Variants in PRKCB observed in about 807,000 individuals in gnomAD.
The protein encoded by PRKCB is protein kinase C beta type.
In PRKCB, 13 loss-of-function variants were observed where a neutral mutation model predicts 81.5. That is an observed-to-expected ratio of 0.16 (90% CI 0.10 to 0.25). The LOEUF is 0.25. Ranked by LOEUF, PRKCB falls within the 10% of genes least tolerant of loss-of-function variation. PRKCB has a pLI of 1.00. For synonymous variants in PRKCB, 335 were observed against 321.4 expected, an observed-to-expected ratio of 1.04 and a Z score of -0.45; for missense variants, 509 against 875.7, an observed-to-expected ratio of 0.58 and a Z score of 5.29.
rs1968233980 is a variant in PRKCB at position 24,216,771 on chromosome 16, G to A, written c.*1955G>A. On this transcript the variant is annotated 3_prime_UTR_variant, in exon 17 of 17. Transcript: ENST00000643927. Reference sequence around the variant, plus strand: ...CAAGTTTAGGCAGTAAGAGAAGGAGGGAAATCGGAGCAAAGCTCCCTCACT... The same window carrying A: ...CAAGTTTAGGCAGTAAGAGAAGGAGAGAAATCGGAGCAAAGCTCCCTCACT... 2.0e-6 allele frequency: 2 copies of A among 985,472 alleles called. No individual in the cohort carries two copies. The highest frequency in any genetic ancestry group is 2.4e-6 in the Non-Finnish European group (2 of 829,950). The allele number at this position is 985,472 out of a possible 1,614,324, so 61.0% of individuals were successfully genotyped here. A position where few individuals can be genotyped will look rare whatever the true frequency, so the allele number is the denominator to read the frequency against.
chr16:24,194,795 T>A (rs1176968264), intron 16 of PRKCB, among the ~76,000 whole-genome samples: 1 of 152,230 alleles, frequency 6.6e-6, no homozygotes, highest in Non-Finnish European at 1.5e-5. Context: ...GGTTTAACAA[T>A]GACTTTCAAA....
intron 3 of PRKCB, among the ~76,000 whole-genome samples, chr16:24,005,887 G>A (rs1327081384): frequency 6.6e-6 from 1 of 152,174 alleles, no homozygotes; most frequent in East Asian, 1.9e-4. Flanking sequence ...CCCCAAGTGG[G>A]GACACCCACA....
intron 9 of PRKCB, among the ~76,000 whole-genome samples, chr16:24,125,530 C>G (rs1966841845): frequency 6.6e-6 from 1 of 152,196 alleles, no homozygotes; most frequent in Non-Finnish European, 1.5e-5. Flanking sequence ...AAAATCTTCC[C>G]CAACTACCCA....
chr16:24,047,746 G>T (rs930549532), intron 5 of PRKCB, among the ~76,000 whole-genome samples: 4 of 152,202 alleles, frequency 2.6e-5, no homozygotes, highest in African/African-American at 9.6e-5. Context: ...CTTCAGCACT[G>T]GTAGTTCTCA....
Position 24,216,754 on chromosome 16 carries a change from G to A in PRKCB, c.*1938G>A. ...CTTGAAGTTCTATCTGACAAGTTTAGGCAGTAAGAGAAGGAGGGAAATCGG... is the reference window on the plus strand; with the variant it reads ...CTTGAAGTTCTATCTGACAAGTTTAAGCAGTAAGAGAAGGAGGGAAATCGG... On this transcript the variant is annotated 3_prime_UTR_variant, in exon 17 of 17. Transcript: ENST00000643927. The A allele has an allele frequency of 7.1e-6, 7 of 985,478 alleles. No individual in the cohort carries two copies. Among genetic ancestry groups the A allele is most frequent in the Non-Finnish European group, 7.2e-6 (6 of 829,952 alleles). The allele number at this position is 985,478 out of a possible 1,614,324, so 61.0% of individuals were successfully genotyped here.
At position 23,967,802 on chromosome 16, in the gene PRKCB, G is replaced by A. The variant is rs143659916; in HGVS notation, c.206-20706G>A. ...CGAGTAGCTGGGACTACAGGCACCC[G>A]CCACCATGCCCAGCTAATTTTTGTA... On this transcript the variant is annotated intron_variant, in intron 2 of 16. Coordinates refer to ENST00000643927, the MANE Select transcript of PRKCB (RefSeq NM_002738.7). Among the ~76,000 whole-genome samples the A allele has an allele frequency of 6.6e-3, 1,010 of 152,176 alleles. 9 individuals are homozygous for A. The highest frequency in any genetic ancestry group is 0.023 in the African/African-American group (936 of 41,520).
rs529246202 is a variant in PRKCB at position 24,068,006 on chromosome 16, G to A, written c.530-24785G>A. 8.6e-5 allele frequency among the ~76,000 whole-genome samples: 13 copies of A among 152,030 alleles called. No individual in the cohort carries two copies. In the South Asian group the frequency reaches 2.3e-3, roughly 27 times the overall value. On this transcript the variant is annotated intron_variant, in intron 5 of 16. Coordinates refer to ENST00000643927, the MANE Select transcript of PRKCB (RefSeq NM_002738.7). The stretch of plus-strand genomic sequence containing the variant: ...AAGAGGTTATTTTCCATGCAGGTTG[G>A]GGTCACCCTTCTGGTGGTGATCGAG...
At chr16:24,006,834 C>CG (rs1965129062) in intron 3 of PRKCB, among the ~76,000 whole-genome samples, 1 of 117,552 alleles carries the variant, frequency 8.5e-6, no homozygotes, top group Non-Finnish European at 1.8e-5. Context: ...ATACGGGGAG[C>CG]AGGGGGTGGG....
chr16:23,879,464 GTT>G (rs1963070024), intron 2 of PRKCB, among the ~76,000 whole-genome samples: 1 of 141,472 alleles, frequency 7.1e-6, no homozygotes, highest in Non-Finnish European at 1.5e-5. Flanking sequence ...AACCTTTGTT[GTT>G]GGTCCTTTAG....
chr16:23,875,122 G>A (rs1251824078), intron 2 of PRKCB, among the ~76,000 whole-genome samples: 4 of 148,518 alleles, frequency 2.7e-5, no homozygotes, highest in South Asian at 2.1e-4. Flanking sequence ...ATGCAACCTC[G>A]ACTTCCTGGG....
In PRKCB at chr16:23,836,108, G is replaced by T. The variant is rs1222093031; in HGVS notation, c.-68G>T. On this transcript the variant is annotated 5_prime_UTR_variant, in exon 1 of 17. Transcript: ENST00000643927. ...CGGCCGCCGCCTCCCGCGCCTCCCC[G>T]GCCCGCAGCCCGCGGTCCCGCGGCC... 5.5e-6 allele frequency: 6 copies of T among 1,093,920 alleles called. No homozygotes were observed. Among genetic ancestry groups the T allele is most frequent in the Non-Finnish European group, 6.7e-6 (6 of 892,896 alleles). 67.8% of individuals were successfully genotyped at this position (1,093,920 alleles called of 1,614,324 possible).
rs187613250 is a variant in PRKCB at position 23,885,616 on chromosome 16, C to G, written c.205+48210C>G. Among the ~76,000 whole-genome samples, 4 of 152,270 alleles carry G rather than the reference C, an allele frequency of 2.6e-5. No individual in the cohort carries two copies. In the East Asian group the frequency reaches 7.7e-4, roughly 29 times the overall value. Reference sequence around the variant, plus strand: ...GCCACTGTGCCTGGCCTATCCACAGCTGGTTTCCCCTCTTTGCCCCCTTTT... The same window carrying G: ...GCCACTGTGCCTGGCCTATCCACAGGTGGTTTCCCCTCTTTGCCCCCTTTT... On this transcript the variant is annotated intron_variant, in intron 2 of 16. Coordinates refer to ENST00000643927, the MANE Select transcript of PRKCB (RefSeq NM_002738.7).
chr16:23,926,653 AATG>A (rs1328649813), intron 2 of PRKCB, among the ~76,000 whole-genome samples: 1 of 150,624 alleles, frequency 6.6e-6, no homozygotes, highest in African/African-American at 2.4e-5. Context: ...ATATACACAC[AATG>A]ATATGTATAT....
chr16:24,176,613 C>G (rs1206491972), intron 12 of PRKCB, among the ~76,000 whole-genome samples: 1 of 152,156 alleles, frequency 6.6e-6, no homozygotes, highest in Non-Finnish European at 1.5e-5. Flanking sequence ...GCACATGAGG[C>G]TGGGCGCAGT....
At chr16:23,962,772 G>T (rs866030645) in intron 2 of PRKCB, among the ~76,000 whole-genome samples, 3 of 151,154 alleles carry the variant, frequency 2.0e-5, no homozygotes, top group African/African-American at 7.3e-5. Flanking sequence ...TGATAGTTTT[G>T]GGGGAGCAAG....
At chr16:23,936,579 ATTTTTTTTT>A (rs57643578) in intron 2 of PRKCB, among the ~76,000 whole-genome samples, 55 of 96,036 alleles carry the variant, frequency 5.7e-4, no homozygotes, top group African/African-American at 2.1e-3. Flanking sequence ...CACCCAACTA[ATTTTTTTTT>A]TTTTTTTTTT....
intron 3 of PRKCB, among the ~76,000 whole-genome samples, chr16:24,031,792 T>C (rs747992670): frequency 6.6e-6 from 1 of 152,182 alleles, no homozygotes. Context: ...CCTGTTTAGA[T>C]GATGTGTCTG....
chr16:24,108,930 C>T (rs1365921323), intron 7 of PRKCB, among the ~76,000 whole-genome samples: 3 of 149,206 alleles, frequency 2.0e-5, no homozygotes, highest in South Asian at 2.1e-4. Flanking sequence ...TAGGGGCGGC[C>T]GGGCAGAGGC....
intron 10 of PRKCB, among the ~76,000 whole-genome samples, chr16:24,168,524 T>C (rs1404854795): frequency 7.3e-6 from 1 of 136,360 alleles, no homozygotes; most frequent in Non-Finnish European, 1.6e-5. Flanking sequence ...ATTTCATTAT[T>C]TTTCTTTCTT....
Sources: gnomAD v4.1 joint callset for allele counts (sites outside exome capture counted in the v4.1 genomes callset) on GRCh38, gnomAD v4.1.1 for gene constraint, MANE v1.5 for transcripts, NCBI Gene and HGNC (gene_info 2026-07-23, HGNC 2026-07-21) for gene names.